The following SPRR2G variants were observed in gnomAD, a reference collection of about 807,000 sequenced individuals.
SPRR2G encodes small proline rich protein 2G, also known as small proline-rich protein 2G.
A neutral mutation model predicts 0.7 loss-of-function variants in SPRR2G; 1 was observed. That is an observed-to-expected ratio of 1.49 (90% CI 0.53 to 7.06). SPRR2G has a LOEUF of 7.06. Among genes scored for constraint, SPRR2G ranks in the 30% most tolerant of loss-of-function variants. SPRR2G has a pLI of 0.14. For missense variants in SPRR2G, 96 were observed against 88.5 expected, an observed-to-expected ratio of 1.09 and a Z score of -0.34; for synonymous variants, 38 against 33.9, an observed-to-expected ratio of 1.12 and a Z score of -0.42.
At chr1:153,195,055 A>G in the SPRR2G span, among the ~76,000 whole-genome samples, 1 of 152,224 alleles carries the variant, frequency 6.6e-6, no homozygotes, top group Non-Finnish European at 1.5e-5. Flanking sequence ...CAGCTGCAGC[A>G]GTGCCAGATC....
chr1:153,165,566 G>C, the SPRR2G span, among the ~76,000 whole-genome samples: 15 of 152,296 alleles, frequency 9.8e-5, no homozygotes, highest in East Asian at 2.9e-3. Flanking sequence ...AAGAGGATGA[G>C]GCTGGGATAC....
At chr1:153,155,899 C>T in the SPRR2G span, among the ~76,000 whole-genome samples, 1 of 152,176 alleles carries the variant, frequency 6.6e-6, no homozygotes, top group Non-Finnish European at 1.5e-5. Context: ...GGTGACCCTA[C>T]CTAAGAGTCC....
chr1:153,163,091 A>T, the SPRR2G span, among the ~76,000 whole-genome samples: 3,361 of 152,316 alleles, frequency 0.022, 112 homozygotes, highest in East Asian at 0.11. Context: ...AAAATGCACA[A>T]GATAAAGATT....
chr1:153,193,386 A>G, the SPRR2G span, among the ~76,000 whole-genome samples: 2 of 152,134 alleles, frequency 1.3e-5, no homozygotes, highest in Non-Finnish European at 2.9e-5. Context: ...ACTGCAGAGT[A>G]TTTGTCCAGG....
Position 153,149,619 on chromosome 1 carries a change from A to G in SPRR2G, c.*270T>C. 1.9e-6 allele frequency: 1 copy of G among 531,162 alleles called. No individual in the cohort carries two copies. The highest frequency in any genetic ancestry group is 2.2e-5 in the South Asian group (1 of 46,234). The allele number at this position is 531,162 out of a possible 1,614,324, so 32.9% of individuals were successfully genotyped here. On this transcript the variant is annotated 3_prime_UTR_variant, in exon 2 of 2. Coordinates refer to ENST00000368748, the MANE Select transcript of SPRR2G (RefSeq NM_001014291.4). ...TGAAACATGTGCTTTATTGGGGAGA[A>G]GCAAAAGAATAAACACACTTGCTCT... is the stretch of plus-strand genomic sequence containing the variant.
chr1:153,171,151 T>A, the SPRR2G span, among the ~76,000 whole-genome samples: 2 of 152,162 alleles, frequency 1.3e-5, no homozygotes, highest in African/African-American at 4.8e-5. Flanking sequence ...ATGTTGAAAC[T>A]CTCTCATCTT....
At chr1:153,169,722 G>A in the SPRR2G span, among the ~76,000 whole-genome samples, 1 of 151,700 alleles carries the variant, frequency 6.6e-6, no homozygotes, top group Non-Finnish European at 1.5e-5. Flanking sequence ...GAACAACCCA[G>A]GGCATGAAGC....
At chr1:153,193,280 A>G in the SPRR2G span, among the ~76,000 whole-genome samples, 4 of 152,004 alleles carry the variant, frequency 2.6e-5, no homozygotes, top group African/African-American at 9.7e-5. Context: ...CGATCATCCA[A>G]ATGGATTTCC....
At chr1:153,191,120 C>G in the SPRR2G span, 1 of 152,308 alleles carries the variant, frequency 6.6e-6, no homozygotes, top group Non-Finnish European at 1.5e-5. Context: ...GTTGCCCAGT[C>G]TCAGTCTCTG....
chr1:153,191,071 G>C, the SPRR2G span: 1 of 152,210 alleles, frequency 6.6e-6, no homozygotes, highest in Non-Finnish European at 1.5e-5. Flanking sequence ...AGTGACAAGG[G>C]GACCTGGTTC....
the SPRR2G span, among the ~76,000 whole-genome samples, chr1:153,166,930 A>G: frequency 2.7e-5 from 4 of 150,004 alleles, no homozygotes; most frequent in African/African-American, 5.0e-5. Flanking sequence ...AGTGTTTAGG[A>G]AAAAAAAATC....
At chr1:153,157,175 G>T in the SPRR2G span, among the ~76,000 whole-genome samples, 1 of 152,112 alleles carries the variant, frequency 6.6e-6, no homozygotes, top group Non-Finnish European at 1.5e-5. Context: ...GTGAATTATT[G>T]CTCAGCTTTT....
At chr1:153,177,090 T>C in the SPRR2G span, among the ~76,000 whole-genome samples, 1 of 152,186 alleles carries the variant, frequency 6.6e-6, no homozygotes, top group Admixed American at 6.5e-5. Flanking sequence ...ATATGATTTA[T>C]ATACATAGAA....
chr1:153,194,537 G>C, the SPRR2G span, among the ~76,000 whole-genome samples: 1 of 152,162 alleles, frequency 6.6e-6, no homozygotes, highest in Non-Finnish European at 1.5e-5. Context: ...GAACTTTTGG[G>C]AGCATGTCTT....
chr1:153,158,353 A>G, the SPRR2G span, among the ~76,000 whole-genome samples: 2 of 152,248 alleles, frequency 1.3e-5, no homozygotes, highest in African/African-American at 4.8e-5. Context: ...CACAGGTCCC[A>G]TGCAAGTCTG....
chr1:153,165,653 G>A, the SPRR2G span, among the ~76,000 whole-genome samples: 1 of 150,618 alleles, frequency 6.6e-6, no homozygotes, highest in Non-Finnish European at 1.5e-5. Flanking sequence ...AAAATGGGTT[G>A]AGAACACAGC....
chr1:153,158,871 C>A, the SPRR2G span, among the ~76,000 whole-genome samples: 1 of 152,180 alleles, frequency 6.6e-6, no homozygotes, highest in Non-Finnish European at 1.5e-5. Flanking sequence ...AGACTTGCAC[C>A]CTTTGCAGGA....
chr1:153,179,818 T>C, the SPRR2G span, among the ~76,000 whole-genome samples: 1 of 152,138 alleles, frequency 6.6e-6, no homozygotes, highest in Non-Finnish European at 1.5e-5. Flanking sequence ...TTCTATCTTG[T>C]CTCCGTATTC....
At chr1:153,196,524 A>G in the SPRR2G span, among the ~76,000 whole-genome samples, 2 of 152,352 alleles carry the variant, frequency 1.3e-5, no homozygotes, top group East Asian at 1.9e-4. Context: ...GCTTATTCCA[A>G]CTGCTACTGT....
Sources: allele counts gnomAD v4.1 joint callset (sites outside exome capture counted in the v4.1 genomes callset), GRCh38; gene constraint gnomAD v4.1.1; transcripts MANE v1.5; gene names NCBI Gene and HGNC (gene_info 2026-07-23, HGNC 2026-07-21).